The following PLXDC2 variants were observed in gnomAD, a reference collection of about 807,000 sequenced individuals.
The protein encoded by PLXDC2 is plexin domain-containing protein 2.
A neutral mutation model predicts 68.9 loss-of-function variants in PLXDC2; 40 were observed. The observed-to-expected ratio is 0.58, with a 90% confidence interval of 0.45 to 0.76. PLXDC2 has a LOEUF of 0.76. PLXDC2 is among the 30% of genes least tolerant of loss of function. The pLI, the probability that PLXDC2 is intolerant of heterozygous loss-of-function variation, is 0.00. For synonymous variants in PLXDC2, 243 were observed against 234.2 expected, an observed-to-expected ratio of 1.04 and a Z score of -0.34; for missense variants, 644 against 661.9, an observed-to-expected ratio of 0.97 and a Z score of 0.30.
intron 4 of PLXDC2, among the ~76,000 whole-genome samples, chr10:20,101,581 T>A (rs1833422281): frequency 6.6e-6 from 1 of 152,194 alleles, no homozygotes; most frequent in African/African-American, 2.4e-5. Flanking sequence ...TGAAAAATCC[T>A]TAATGTTCTT....
At position 20,163,399 on chromosome 10, in the gene PLXDC2, G is replaced by T. The variant is rs186044033; in HGVS notation, c.784-1069G>T. On this transcript the variant is annotated intron_variant, in intron 6 of 13. Coordinates refer to ENST00000377252, the MANE Select transcript of PLXDC2 (RefSeq NM_032812.9). ...AATAAGTCAGAGAGTTTTTATTATA[G>T]ATTGTATTGTATTGTATTATATTAT... 6.7e-3 allele frequency among the ~76,000 whole-genome samples: 1,013 copies of T among 151,858 alleles called. 15 individuals are homozygous for T. The highest frequency in any genetic ancestry group is 0.024 in the African/African-American group (981 of 41,342).
At chr10:20,238,783 C>G (rs887475651) in intron 12 of PLXDC2, among the ~76,000 whole-genome samples, 6 of 147,404 alleles carry the variant, frequency 4.1e-5, no homozygotes, top group African/African-American at 1.3e-4. Flanking sequence ...CTTATGGTAG[C>G]TAAAACTTTC....
At chr10:19,906,607 G>T (rs954833113) in intron 1 of PLXDC2, among the ~76,000 whole-genome samples, 1 of 152,024 alleles carries the variant, frequency 6.6e-6, no homozygotes, top group African/African-American at 2.4e-5. Context: ...GTCATGGATT[G>T]GTTGGTTTGC....
At chr10:19,917,755 T>C (rs764063214) in intron 1 of PLXDC2, among the ~76,000 whole-genome samples, 2 of 152,164 alleles carry the variant, frequency 1.3e-5, no homozygotes, top group Non-Finnish European at 2.9e-5. Flanking sequence ...TTTTAGTGGG[T>C]ATTTAAAACC....
At chr10:20,072,301 A>T (rs1007769842) in intron 4 of PLXDC2, among the ~76,000 whole-genome samples, 3 of 151,474 alleles carry the variant, frequency 2.0e-5, no homozygotes, top group African/African-American at 7.3e-5. Context: ...ACGCTGGAGG[A>T]GGAGGTTGTG....
At chr10:20,072,091 A>T (rs1051589792) in intron 4 of PLXDC2, among the ~76,000 whole-genome samples, 1 of 152,120 alleles carries the variant, frequency 6.6e-6, no homozygotes, top group African/African-American at 2.4e-5. Context: ...TCATGCCTGT[A>T]ATCTCAGCAC....
chr10:20,244,709 G>A (rs1413790722), intron 12 of PLXDC2, among the ~76,000 whole-genome samples: 2 of 152,182 alleles, frequency 1.3e-5, no homozygotes, highest in Non-Finnish European at 2.9e-5. Flanking sequence ...GGTAACTTTG[G>A]TGGTTTAATG....
intron 1 of PLXDC2, among the ~76,000 whole-genome samples, chr10:19,933,784 C>T (rs1411477393): frequency 2.3e-5 from 3 of 129,776 alleles, no homozygotes; most frequent in Non-Finnish European, 3.2e-5. Flanking sequence ...AGGAAGGAAG[C>T]GGGGAGAGGG....
At position 20,147,813 on chromosome 10, in the gene PLXDC2, G is replaced by A. The variant is rs1305140987; in HGVS notation, c.694G>A (p.Val232Ile). The change falls in exon 6 of 14, where the codon GTA becomes ATA. Residue 232 changes from valine to isoleucine, a missense_variant. Physicochemically the swap from Val to Ile is conservative, Grantham distance 29. Transcript: ENST00000377252. ...AGCACTTGTGGTCCAGTGGGACCAT[G>A]TACATCTCCAGGATAATTATAACCT... ...GTALVVQWDHVHLQDNYNLGS... is the reference protein window; with the variant it reads ...GTALVVQWDHIHLQDNYNLGS... 6 of 1,612,980 alleles carry A rather than the reference G, an allele frequency of 3.7e-6. No individual in the cohort carries two copies. The highest frequency in any genetic ancestry group is 5.1e-6 in the Non-Finnish European group (6 of 1,179,166).
At chr10:20,049,899 C>A (rs1240260396) in intron 3 of PLXDC2, among the ~76,000 whole-genome samples, 1 of 151,964 alleles carries the variant, frequency 6.6e-6, no homozygotes, top group African/African-American at 2.4e-5. Context: ...GCCCAAATAG[C>A]CAAGGCAATT....
chr10:20,084,829 G>A lies in PLXDC2; in HGVS notation c.541+16590G>A, dbSNP rs144762488. Among the ~76,000 whole-genome samples the A allele has an allele frequency of 2.5e-3, 383 of 151,222 alleles. 1 individual carries two copies. Among genetic ancestry groups the A allele is most frequent in the African/African-American group, 8.9e-3 (368 of 41,148 alleles). On this transcript the variant is annotated intron_variant, in intron 4 of 13. Coordinates refer to ENST00000377252, the MANE Select transcript of PLXDC2 (RefSeq NM_032812.9). ...ATATTTGGTCAAGAATGTGTACAAT[G>A]AAGGCTTTCAGGACCAGATGCTGAA...
intron 9 of PLXDC2, among the ~76,000 whole-genome samples, chr10:20,202,285 C>T (rs1465723708): frequency 6.6e-6 from 1 of 152,096 alleles, no homozygotes; most frequent in African/African-American, 2.4e-5. Flanking sequence ...AATATACTTG[C>T]TACTATGGTT....
intron 1 of PLXDC2, among the ~76,000 whole-genome samples, chr10:19,845,277 G>A (rs1836987208): frequency 6.6e-6 from 1 of 152,130 alleles, no homozygotes; most frequent in South Asian, 2.1e-4. Flanking sequence ...GTTTTTTGCT[G>A]CAGCTTTGGA....
At chr10:20,195,422 C>T (rs144719127) in intron 9 of PLXDC2, among the ~76,000 whole-genome samples, 13 of 152,216 alleles carry the variant, frequency 8.5e-5, no homozygotes, top group African/African-American at 2.2e-4. Context: ...TCTTAAGCAA[C>T]GAGCGGGTGC....
intron 1 of PLXDC2, among the ~76,000 whole-genome samples, chr10:19,820,310 A>G (rs991777114): frequency 6.6e-6 from 1 of 152,176 alleles, no homozygotes; most frequent in African/African-American, 2.4e-5. Context: ...CTTCACTGTA[A>G]GCATCAGATA....
At chr10:19,834,644 G>C (rs958780881) in intron 1 of PLXDC2, among the ~76,000 whole-genome samples, 1 of 152,218 alleles carries the variant, frequency 6.6e-6, no homozygotes, top group Non-Finnish European at 1.5e-5. Context: ...GGCTCAAGAT[G>C]TAATTGTTTC....
Position 20,289,052 on chromosome 10 carries a change from C to T in PLXDC2, c.*9233C>T, listed in dbSNP as rs1474327499. The T allele has an allele frequency of 6.6e-6, 1 of 152,138 alleles. No individual in the cohort carries two copies. The highest frequency in any genetic ancestry group is 1.5e-5 in the Non-Finnish European group (1 of 68,002). 9.4% of individuals were successfully genotyped at this position (152,138 alleles called of 1,614,324 possible). A position where few individuals can be genotyped will look rare whatever the true frequency, so the allele number is the denominator to read the frequency against. On this transcript the variant is annotated 3_prime_UTR_variant, in exon 14 of 14. Coordinates refer to ENST00000377252, the MANE Select transcript of PLXDC2 (RefSeq NM_032812.9). ...GTAAATGAGCATTTTGTTTTAATTT[C>T]TTAAATACCTTGTCTTTCAACATAC...
chr10:20,176,228 G>T (rs1184084884), intron 7 of PLXDC2, among the ~76,000 whole-genome samples: 1 of 152,028 alleles, frequency 6.6e-6, no homozygotes, highest in Non-Finnish European at 1.5e-5. Context: ...TATTTTTAAA[G>T]TGATTTAACT....
chr10:19,976,889 G>T (rs1048514311), intron 1 of PLXDC2, among the ~76,000 whole-genome samples: 1 of 146,186 alleles, frequency 6.8e-6, no homozygotes, highest in African/African-American at 2.5e-5. Context: ...TTCTTTCAGT[G>T]TCCTCTTTTA....
Sources: allele counts gnomAD v4.1 joint callset (sites outside exome capture counted in the v4.1 genomes callset), GRCh38; gene constraint gnomAD v4.1.1; transcripts MANE v1.5; gene names NCBI Gene and HGNC (gene_info 2026-07-23, HGNC 2026-07-21).